Variants in HTR1F observed in about 807,000 individuals in gnomAD.
HTR1F encodes the protein 5-hydroxytryptamine receptor 1F, also known as 5-hydroxytryptamine (serotonin) receptor 1F, G protein-coupled.
A neutral mutation model predicts 24.0 loss-of-function variants in HTR1F; 17 were observed. That is an observed-to-expected ratio of 0.71 (90% CI 0.48 to 1.06). The LOEUF is 1.06. Among genes scored for constraint, HTR1F ranks in the 50% least tolerant of loss-of-function variants. The pLI is 0.00. For missense variants in HTR1F, 391 were observed against 427.8 expected, an observed-to-expected ratio of 0.91 and a Z score of 0.76; for synonymous variants, 186 against 156.8, an observed-to-expected ratio of 1.19 and a Z score of -1.39.
Position 87,845,468 on chromosome 3 carries a change from G to T in HTR1F, c.-43+23344G>T, listed in dbSNP as rs552372980. Among the ~76,000 whole-genome samples, 177 of 148,910 alleles carry T rather than the reference G, an allele frequency of 1.2e-3. 4 individuals are homozygous for T. Among genetic ancestry groups the T allele is most frequent in the African/African-American group, 4.3e-3 (171 of 39,748 alleles). On this transcript the variant is annotated intron_variant, in intron 2 of 2. Coordinates refer to ENST00000319595, the MANE Select transcript of HTR1F (RefSeq NM_001322209.2). The stretch of plus-strand genomic sequence containing the variant: ...ACAAACAGAGAGCCAAATCATGAGT[G>T]AACTCCCATTCACAATTGCTTCAAA...
intron 2 of HTR1F, among the ~76,000 whole-genome samples, chr3:87,980,526 T>C (rs1604700): frequency 0.95 from 144,413 of 152,230 alleles, 68,930 homozygotes; most frequent in Non-Finnish European, 1. Context: ...TAAGTTTTCA[T>C]GCCTGGCTAT....
intron 2 of HTR1F, among the ~76,000 whole-genome samples, chr3:87,849,961 G>A (rs1333194305): frequency 6.6e-6 from 1 of 151,926 alleles, no homozygotes; most frequent in Non-Finnish European, 1.5e-5. Context: ...GGAAACAACA[G>A]GTGCTGGAGA....
chr3:87,832,316 C>CTTTT (rs60414125), intron 2 of HTR1F, among the ~76,000 whole-genome samples: 49 of 125,504 alleles, frequency 3.9e-4, no homozygotes, highest in Non-Finnish European at 5.3e-4. Flanking sequence ...AATATCCCTT[C>CTTTT]TTTTTTTTTT....
chr3:87,854,340 G>A (rs1415561177), intron 2 of HTR1F, among the ~76,000 whole-genome samples: 1 of 151,856 alleles, frequency 6.6e-6, no homozygotes. Flanking sequence ...TGAGTTATAA[G>A]AATCAGATTT....
intron 1 of HTR1F, among the ~76,000 whole-genome samples, chr3:87,803,178 A>C: frequency 6.6e-6 from 1 of 152,166 alleles, no homozygotes; most frequent in East Asian, 1.9e-4. Context: ...CTTCTGATTA[A>C]GTTCACTCAG....
chr3:87,921,376 T>C (rs1157507616), intron 2 of HTR1F, among the ~76,000 whole-genome samples: 2 of 151,992 alleles, frequency 1.3e-5, no homozygotes, highest in African/African-American at 2.4e-5. Flanking sequence ...GATTATTGTA[T>C]AGTTTATGTG....
At chr3:87,881,325 C>T (rs1705792788) in intron 2 of HTR1F, among the ~76,000 whole-genome samples, 1 of 152,198 alleles carries the variant, frequency 6.6e-6, no homozygotes, top group African/African-American at 2.4e-5. Context: ...GCCTTGCTCA[C>T]TGCTAGCACA....
At chr3:87,865,081 G>C (rs984230779) in intron 2 of HTR1F, among the ~76,000 whole-genome samples, 10 of 152,038 alleles carry the variant, frequency 6.6e-5, no homozygotes, top group Non-Finnish European at 1.2e-4. Context: ...TCTGCATGAA[G>C]GTTAGTCTAA....
At chr3:87,843,115 C>CTACA (rs1166007627) in intron 2 of HTR1F, among the ~76,000 whole-genome samples, 3 of 151,808 alleles carry the variant, frequency 2.0e-5, no homozygotes, top group African/African-American at 7.3e-5. Context: ...TGGAATGATG[C>CTACA]TACACATTTC....
chr3:87,985,064 A>G (rs565167399), intron 2 of HTR1F, among the ~76,000 whole-genome samples: 1 of 152,260 alleles, frequency 6.6e-6, no homozygotes, highest in Non-Finnish European at 1.5e-5. Context: ...GGCTGGGCAC[A>G]GTGGCTCACT....
chr3:87,870,667 A>G (rs1297609934), intron 2 of HTR1F, among the ~76,000 whole-genome samples: 2 of 152,030 alleles, frequency 1.3e-5, no homozygotes, highest in African/African-American at 4.8e-5. Flanking sequence ...CAGAGCAGTG[A>G]TGGAGATATA....
rs1185508912 is a variant in HTR1F, at chr3:87,834,231, C to CTG, written c.-43+12115_-43+12116dup. Among the ~76,000 whole-genome samples the CTG allele has an allele frequency of 2.0e-5, 3 of 152,014 alleles. No homozygotes were observed. In the East Asian group the frequency reaches 5.8e-4, roughly 29 times the overall value. ...ATCTCTAATTCAGAATTGTAAGATA[C>CTG]TGTGTGTGTATTCATATATGTATAT... On this transcript the variant is annotated intron_variant, in intron 2 of 2. Transcript: ENST00000319595.
intron 2 of HTR1F, among the ~76,000 whole-genome samples, chr3:87,936,731 TG>T (rs1704429208): frequency 1.3e-5 from 2 of 152,164 alleles, no homozygotes; most frequent in South Asian, 4.1e-4. Context: ...TGAAATATTT[TG>T]TTTGGGGATT....
intron 2 of HTR1F, among the ~76,000 whole-genome samples, chr3:87,858,215 T>C (rs2938276): frequency 0.15 from 23,569 of 152,158 alleles, 2,075 homozygotes; most frequent in African/African-American, 0.24. Context: ...ACAGTTTTAC[T>C]GAGCAAAGGC....
intron 2 of HTR1F, among the ~76,000 whole-genome samples, chr3:87,944,835 G>A (rs980624037): frequency 9.2e-5 from 14 of 152,122 alleles, no homozygotes; most frequent in African/African-American, 9.7e-5. Flanking sequence ...CGTGGGTTAC[G>A]GGGTTAAAGA....
intron 1 of HTR1F, among the ~76,000 whole-genome samples, chr3:87,805,982 A>G (rs1472307360): frequency 6.6e-6 from 1 of 152,050 alleles, no homozygotes; most frequent in Non-Finnish European, 1.5e-5. Context: ...AACTTTTTTT[A>G]GCTCACAAAT....
chr3:87,895,204 CCTATCT>C (rs1480115031), intron 2 of HTR1F, among the ~76,000 whole-genome samples: 1 of 151,874 alleles, frequency 6.6e-6, no homozygotes, highest in Non-Finnish European at 1.5e-5. Context: ...AAGTGAATCC[CCTATCT>C]CATGAATTCT....
intron 2 of HTR1F, among the ~76,000 whole-genome samples, chr3:87,860,877 G>A (rs960253867): frequency 2.0e-5 from 3 of 152,162 alleles, no homozygotes; most frequent in African/African-American, 7.2e-5. Context: ...TTAACAACAG[G>A]CCAGGTGCAG....
intron 1 of HTR1F, among the ~76,000 whole-genome samples, chr3:87,807,893 C>G (rs775047244): frequency 2.6e-5 from 4 of 151,804 alleles, no homozygotes; most frequent in Non-Finnish European, 4.4e-5. Flanking sequence ...GGTTTTTGTA[C>G]TTCATTCTGT....
Sources: gnomAD v4.1 joint callset for allele counts (sites outside exome capture counted in the v4.1 genomes callset) on GRCh38, gnomAD v4.1.1 for gene constraint, MANE v1.5 for transcripts, NCBI Gene and HGNC (gene_info 2026-07-23, HGNC 2026-07-21) for gene names.